The following PMS1 variants were observed in gnomAD, a reference collection of about 807,000 sequenced individuals.
PMS1 encodes PMS1 homolog 1, mismatch repair system component, also known as PMS1 protein homolog 1.
Under a neutral mutation model 93.1 loss-of-function variants are expected in PMS1, and 79 were observed. The ratio of observed to expected loss-of-function variants is 0.85; its 90% CI spans 0.71 to 1.02. The LOEUF is 1.02. Ranked by LOEUF, PMS1 falls within the 50% of genes least tolerant of loss-of-function variation. PMS1 has a pLI of 0.00. For synonymous variants in PMS1, 335 were observed against 363.4 expected (o/e 0.92, Z 0.89); for missense variants, 1,064 against 1,085.3 (o/e 0.98, Z 0.28).
intron 3 of PMS1, among the ~76,000 whole-genome samples, chr2:189,799,451 A>G (rs1185491791): frequency 1.3e-5 from 2 of 152,200 alleles, no homozygotes; most frequent in African/African-American, 4.8e-5. Flanking sequence ...ACTCCCAGTC[A>G]GTACTTCTCA....
intron 5 of PMS1, among the ~76,000 whole-genome samples, chr2:189,820,576 A>C (rs2051759538): frequency 6.6e-6 from 1 of 152,068 alleles, no homozygotes; most frequent in African/African-American, 2.4e-5. Flanking sequence ...ACGCTCCCAA[A>C]GTGCTGGGAT....
At chr2:189,853,041 GTTTTTT>G (rs909609282) in intron 7 of PMS1, among the ~76,000 whole-genome samples, 1 of 151,698 alleles carries the variant, frequency 6.6e-6, no homozygotes, top group Non-Finnish European at 1.5e-5. Flanking sequence ...AGAGTTAGTA[GTTTTTT>G]TTGTTTTTGT....
chr2:189,808,597 C>T (rs896831329), intron 4 of PMS1, among the ~76,000 whole-genome samples: 1 of 152,144 alleles, frequency 6.6e-6, no homozygotes, highest in Admixed American at 6.5e-5. Flanking sequence ...CCGCAAAGTG[C>T]TGGGATTATA....
chr2:189,812,744 T>C (rs2050953479), intron 4 of PMS1, among the ~76,000 whole-genome samples: 1 of 152,146 alleles, frequency 6.6e-6, no homozygotes, highest in Non-Finnish European at 1.5e-5. Flanking sequence ...TTATACTCAC[T>C]GAAAGTAATA....
At chr2:189,801,688 G>C (rs1298759678) in intron 3 of PMS1, among the ~76,000 whole-genome samples, 1 of 151,854 alleles carries the variant, frequency 6.6e-6, no homozygotes, top group Admixed American at 6.6e-5. Flanking sequence ...CTGAGTGTTT[G>C]AATAAGAGAC....
At chr2:189,786,676 T>C (rs2048375239) in intron 1 of PMS1, among the ~76,000 whole-genome samples, 1 of 152,186 alleles carries the variant, frequency 6.6e-6, no homozygotes, top group African/African-American at 2.4e-5. Flanking sequence ...CGTAGAGTTG[T>C]TGTGAGGATT....
intron 12 of PMS1, among the ~76,000 whole-genome samples, chr2:189,874,979 C>T (rs1575412189): frequency 6.6e-6 from 1 of 151,036 alleles, no homozygotes; most frequent in Non-Finnish European, 1.5e-5. Context: ...AATACTTTAC[C>T]TTTCAGTATG....
At chr2:189,845,667 T>G (rs1333159232) in intron 6 of PMS1, among the ~76,000 whole-genome samples, 1 of 152,168 alleles carries the variant, frequency 6.6e-6, no homozygotes, top group Non-Finnish European at 1.5e-5. Context: ...TTTATAGGAA[T>G]GATGGTTGGT....
At chr2:189,816,148 A>G (rs1486552569) in intron 4 of PMS1, among the ~76,000 whole-genome samples, 1 of 152,000 alleles carries the variant, frequency 6.6e-6, no homozygotes, top group Non-Finnish European at 1.5e-5. Context: ...CCTACTGCCT[A>G]AGGCTCCCAA....
chr2:189,849,958 G>A lies in PMS1; in HGVS notation c.700-2697G>A, dbSNP rs1161202016. On this transcript the variant is annotated intron_variant, in intron 6 of 12. Transcript: ENST00000441310. ...ATTTCAGTCCCCTGTCTTGAATGGGGTGTTTTCAGTCCTTATTTCTGTACC... is the reference window on the plus strand; with the variant it reads ...ATTTCAGTCCCCTGTCTTGAATGGGATGTTTTCAGTCCTTATTTCTGTACC... 1.3e-5 allele frequency among the ~76,000 whole-genome samples: 2 copies of A among 151,354 alleles called. 1 individual carries two copies. Among genetic ancestry groups the A allele is most frequent in the Middle Eastern group, 6.8e-3 (2 of 294 alleles).
chr2:189,877,240 A>G (rs772372949), intron 12 of PMS1, 32 bp from the exon 13 acceptor site: 11 of 1,593,444 alleles, frequency 6.9e-6, no homozygotes, highest in African/African-American at 2.7e-5. Context: ...AGGGTATATC[A>G]TGGTAAAATG....
At chr2:189,789,190 C>T (rs2048628744) in intron 1 of PMS1, among the ~76,000 whole-genome samples, 1 of 152,182 alleles carries the variant, frequency 6.6e-6, no homozygotes, top group African/African-American at 2.4e-5. Flanking sequence ...TATTATAATA[C>T]TCTACATTTT....
intron 9 of PMS1, chr2:189,857,467 T>C (rs1462328532): frequency 5.3e-5 from 25 of 469,500 alleles, no homozygotes; most frequent in Non-Finnish European, 5.7e-5. Context: ...TTCCTGTCTT[T>C]ATCTTGGAGT....
At chr2:189,838,919 G>C (rs1423535089) in intron 5 of PMS1, among the ~76,000 whole-genome samples, 2 of 152,148 alleles carry the variant, frequency 1.3e-5, no homozygotes, top group African/African-American at 4.8e-5. Flanking sequence ...AATATTTTTT[G>C]AATGTGAACT....
intron 5 of PMS1, among the ~76,000 whole-genome samples, chr2:189,824,381 G>A (rs953928927): frequency 6.6e-6 from 1 of 151,824 alleles, no homozygotes; most frequent in Non-Finnish European, 1.5e-5. Flanking sequence ...TCATTATCCT[G>A]TTTTTATTTT....
At chr2:189,821,153 A>T (rs893006937) in intron 5 of PMS1, among the ~76,000 whole-genome samples, 1 of 152,220 alleles carries the variant, frequency 6.6e-6, no homozygotes. Context: ...AATAGGAATT[A>T]TATATTTGTA....
At chr2:189,857,943 G>A (rs1319993600) in intron 9 of PMS1, among the ~76,000 whole-genome samples, 1 of 152,024 alleles carries the variant, frequency 6.6e-6, no homozygotes, top group Non-Finnish European at 1.5e-5. Flanking sequence ...GAAGCTAGAA[G>A]GAACATGGTG....
chr2:189,820,538 C>CA (rs1248513832), intron 5 of PMS1, among the ~76,000 whole-genome samples: 1 of 152,032 alleles, frequency 6.6e-6, no homozygotes, highest in Non-Finnish European at 1.5e-5. Flanking sequence ...TCTGAGCTTT[C>CA]AAGCAATGCA....
At chr2:189,801,063 C>T (rs2049845067) in intron 3 of PMS1, among the ~76,000 whole-genome samples, 1 of 152,144 alleles carries the variant, frequency 6.6e-6, no homozygotes. Context: ...GGGTCTCACT[C>T]TCTTGTTCAG....
Sources: gnomAD v4.1 joint callset for allele counts (sites outside exome capture counted in the v4.1 genomes callset) on GRCh38, gnomAD v4.1.1 for gene constraint, MANE v1.5 for transcripts, NCBI Gene and HGNC (gene_info 2026-07-23, HGNC 2026-07-21) for gene names.